Variants in SNRNP70 observed in about 807,000 individuals in gnomAD.
The protein encoded by SNRNP70 is U1 small nuclear ribonucleoprotein 70 kDa.
A neutral mutation model predicts 50.5 loss-of-function variants in SNRNP70; 8 were observed. The observed-to-expected ratio is 0.16, with a 90% CI of 0.09 to 0.29. The LOEUF (loss-of-function observed/expected upper bound fraction) is 0.29. Among genes scored for constraint, SNRNP70 ranks in the 10% least tolerant of loss-of-function variants. SNRNP70 has a pLI of 1.00. For missense variants in SNRNP70, 529 were observed against 663.5 expected (o/e 0.80, Z 2.23); for synonymous variants, 320 against 252.9 (o/e 1.27, Z -2.52).
rs142055656 is a variant in SNRNP70, at chr19:49,106,971, C to T, written c.578-654C>T. Among the ~76,000 whole-genome samples the T allele has an allele frequency of 3.0e-3, 456 of 152,276 alleles. 1 individual carries two copies. Among genetic ancestry groups the T allele is most frequent in the African/African-American group, 0.011 (438 of 41,550 alleles). On this transcript the variant is annotated intron_variant, in intron 8 of 9. Coordinates refer to ENST00000598441, the MANE Select transcript of SNRNP70 (RefSeq NM_003089.6). ...GAAACTCCAGGGGAAGGAAGCGTTT[C>T]TGCAACTGTGAGTACATAGGACTGT...
At chr19:49,102,252 C>T (rs1317212986) in intron 7 of SNRNP70, 4 of 1,134,828 alleles carry the variant, frequency 3.5e-6, no homozygotes, top group Non-Finnish European at 4.7e-6. Flanking sequence ...AGCTCAGGAG[C>T]AGCGAGGCGC....
rs752694188 is a variant in SNRNP70, at chr19:49,108,386, C to T, written c.1257C>T (p.Gly419=). 5.0e-6 allele frequency: 8 copies of T among 1,611,000 alleles called. No homozygotes were observed. The highest frequency in any genetic ancestry group is 1.7e-5 in the Admixed American group (1 of 59,724). ...GAGACATGTACATGGAGTCTGAGGG[C>T]GGCGACGGCTACCTGGCTCCGGAGA... ...DSRDMYMESE[G]GDGYLAPENG... Residue 419 remains glycine, a synonymous_variant, in exon 10 of 10, where the codon GGC becomes GGT. Transcript: ENST00000598441.
At position 49,108,335 on chromosome 19, in the gene SNRNP70, G is replaced by A; in HGVS notation, c.1206G>A (p.Gly402=). Residue 402 remains glycine (G), a synonymous_variant, in exon 10 of 10, where the codon GGG becomes GGA. Transcript: ENST00000598441. ...GTGGGGGCGGTGGCCAGGACAACGGGCTGGAGGGTCTGGGCAACGACAGCC... is the reference window on the plus strand; with the variant it reads ...GTGGGGGCGGTGGCCAGGACAACGGACTGGAGGGTCTGGGCAACGACAGCC... The part of the protein sequence containing the change: ...ARGGGGGQDN[G]LEGLGNDSRD... 1 of 1,603,866 alleles carries A rather than the reference G, an allele frequency of 6.2e-7. No individual in the cohort carries two copies. The highest frequency in any genetic ancestry group is 1.1e-5 in the South Asian group (1 of 89,496).
At chr19:49,098,386 T>C in intron 4 of SNRNP70, 41 bp from the exon 5 acceptor site, 1 of 1,529,874 alleles carries the variant, frequency 6.5e-7, no homozygotes. Flanking sequence ...CCTGAGACCA[T>C]GGACACCTTC....
chr19:49,093,332 C>T (rs1241761007), intron 4 of SNRNP70, among the ~76,000 whole-genome samples: 10 of 151,906 alleles, frequency 6.6e-5, no homozygotes, highest in East Asian at 4.0e-4. Context: ...GTGATCTGCC[C>T]GCCTCGGTCT....
chr19:49,093,641 T>G (rs1394826632), intron 4 of SNRNP70, among the ~76,000 whole-genome samples: 1 of 131,924 alleles, frequency 7.6e-6, no homozygotes, highest in Non-Finnish European at 1.6e-5. Context: ...ATCACGCCAT[T>G]GCACTCCAGC....
intron 1 of SNRNP70, 138 bp from the exon 2 acceptor site, chr19:49,086,267 C>A: frequency 1.0e-6 from 1 of 964,752 alleles, no homozygotes; most frequent in Non-Finnish European, 1.5e-6. Context: ...CAACACAGGA[C>A]TGTTCTCTGC....
At position 49,098,447 on chromosome 19, in the gene SNRNP70, A is replaced by G. The variant is rs1316168531; in HGVS notation, c.286A>G (p.Asn96Asp). 6.2e-6 allele frequency: 10 copies of G among 1,613,528 alleles called. No individual in the cohort carries two copies. The South Asian group carries it at 9.9e-5, about 16-fold the overall frequency. The change falls in exon 5 of 10, where the codon AAT becomes GAT. Residue 96 changes from asparagine (N) to aspartate (D), a missense_variant. Around this residue, in one of 4 missense-constraint regions of SNRNP70, gnomAD observed 149 missense variants for 259.7 expected, o/e 0.57. Coordinates refer to ENST00000598441, the MANE Select transcript of SNRNP70 (RefSeq NM_003089.6). ...CACAGGGGACCCTCACAATGATCCCAATGCTCAGGGGGATGCCTTCAAGAC... is the reference window on the plus strand; with the variant it reads ...CACAGGGGACCCTCACAATGATCCCGATGCTCAGGGGGATGCCTTCAAGAC... ...LKMWDPHNDPNAQGDAFKTLF... is the reference protein window; with the variant it reads ...LKMWDPHNDPDAQGDAFKTLF...
At position 49,108,143 on chromosome 19, in the gene SNRNP70, C is replaced by G. The variant is rs964923621; in HGVS notation, c.1014C>G (p.Asp338Glu). ...DDGPPGELGP[D>E]GPDGPEEKGR... is the part of the protein sequence containing the mutation. Reference sequence around the variant, plus strand: ...GGCCTCCAGGGGAGCTCGGGCCTGACGGCCCTGACGGTCCAGAGGAAAAGG... The same window carrying G: ...GGCCTCCAGGGGAGCTCGGGCCTGAGGGCCCTGACGGTCCAGAGGAAAAGG... Residue 338 changes from aspartate (D) to glutamate (E), a missense_variant, in exon 10 of 10, where the codon GAC (aspartate) becomes GAG (glutamate). Around this residue, in one of 4 missense-constraint regions of SNRNP70, gnomAD observed 327 missense variants for 308.8 expected, o/e 1.06. Transcript: ENST00000598441. 3.0e-5 allele frequency: 47 copies of G among 1,541,500 alleles called. No individual in the cohort carries two copies. Among genetic ancestry groups the G allele is most frequent in the Admixed American group, 2.7e-4 (13 of 47,966 alleles).
Position 49,108,078 on chromosome 19 carries a change from G to C in SNRNP70, c.949G>C (p.Ala317Pro). 6.4e-7 allele frequency: 1 copy of C among 1,555,296 alleles called. No individual in the cohort carries two copies. Residue 317 changes from alanine to proline, a missense_variant, in exon 10 of 10, where the codon GCG (alanine) becomes CCG (proline). Around this residue, in one of 4 missense-constraint regions of SNRNP70, gnomAD observed 327 missense variants for 308.8 expected, o/e 1.06. Coordinates refer to ENST00000598441, the MANE Select transcript of SNRNP70 (RefSeq NM_003089.6). ...GCTGCGTGGCGGCGGTGGCGACATG[G>C]CGGAGCCCTCCGAGGCGGGTGACGC... is the stretch of plus-strand genomic sequence containing the variant. ...EELRGGGGDM[A>P]EPSEAGDAPP...
chr19:49,100,974 A>G (rs892915064), intron 6 of SNRNP70, among the ~76,000 whole-genome samples: 4 of 152,200 alleles, frequency 2.6e-5, no homozygotes, highest in Admixed American at 2.0e-4. Context: ...TCGGCCTGGC[A>G]TTGGGGCGCT....
Position 49,108,162 on chromosome 19 carries a change from GA to G in SNRNP70, c.1037del (p.Lys346ArgfsTer86). The G allele has an allele frequency of 6.5e-7, 1 of 1,543,378 alleles. No individual in the cohort carries two copies. The highest frequency in any genetic ancestry group is 8.7e-7 in the Non-Finnish European group (1 of 1,144,426). ...GCCTGACGGCCCTGACGGTCCAGAG[GA>G]AAAGGGCCGGGATCGTGACCGGGAG... ...LGPDGPDGPE[E>X]KGRDRDRERR... On this transcript the variant is annotated frameshift_variant, in exon 10 of 10. Coordinates refer to ENST00000598441, the MANE Select transcript of SNRNP70 (RefSeq NM_003089.6). LOFTEE classifies it high-confidence loss of function.
At chr19:49,092,432 G>A (rs1157386802) in intron 4 of SNRNP70, among the ~76,000 whole-genome samples, 1 of 143,182 alleles carries the variant, frequency 7.0e-6, no homozygotes, top group African/African-American at 2.6e-5. Flanking sequence ...TTTTTGAGAC[G>A]GAGTCACGCT....
Position 49,108,316 on chromosome 19 carries a change from G to A in SNRNP70, c.1187G>A (p.Gly396Asp), listed in dbSNP as rs764726769. ...GGCAGGGATGAGGCCCGAGGTGGGG[G>A]CGGTGGCCAGGACAACGGGCTGGAG... The part of the protein sequence containing the change: ...ERGRDEARGG[G>D]GGQDNGLEGL... Residue 396 changes from glycine (G) to aspartate (D), a missense_variant, in exon 10 of 10, where the codon GGC (glycine) becomes GAC (aspartate). By Grantham distance (94) the Gly-to-Asp change is moderately conservative. Coordinates refer to ENST00000598441, the MANE Select transcript of SNRNP70 (RefSeq NM_003089.6). 2 of 1,592,764 alleles carry A rather than the reference G, an allele frequency of 1.3e-6. No individual in the cohort carries two copies. Among genetic ancestry groups the A allele is most frequent in the Non-Finnish European group, 1.7e-6 (2 of 1,170,540 alleles).
intron 4 of SNRNP70, 112 bp downstream of exon 4, chr19:49,090,632 G>GGTT (rs2040436467): frequency 2.0e-6 from 2 of 1,011,072 alleles, no homozygotes; most frequent in East Asian, 2.5e-5. Flanking sequence ...TGGGGAACAG[G>GGTT]GTTGTTAGTT....
Position 49,090,286 on chromosome 19 carries a change from C to G in SNRNP70, c.148-5C>G. On this transcript the variant is annotated splice_polypyrimidine_tract_variant and splice_region_variant and intron_variant, in intron 2 of 9. Coordinates refer to ENST00000598441, the MANE Select transcript of SNRNP70 (RefSeq NM_003089.6). ...CCACCCTGTCACCTCTCTTCTTGTT[C>G]CCAGGACCCTCGAGATGCCCCTCCT... 6.2e-7 allele frequency: 1 copy of G among 1,613,536 alleles called. No individual in the cohort carries two copies. The highest frequency in any genetic ancestry group is 8.5e-7 in the Non-Finnish European group (1 of 1,179,748).
At chr19:49,097,728 A>G (rs759919719) in intron 4 of SNRNP70, among the ~76,000 whole-genome samples, 2 of 152,140 alleles carry the variant, frequency 1.3e-5, no homozygotes, top group Non-Finnish European at 2.9e-5. Context: ...CACCTATGAA[A>G]TTGGTTTCTT....
In SNRNP70 at chr19:49,101,395, C is replaced by T; in HGVS notation, c.399C>T (p.His133=). 1.2e-6 allele frequency: 2 copies of T among 1,613,696 alleles called. No individual in the cohort carries two copies. The highest frequency in any genetic ancestry group is 1.7e-6 in the Non-Finnish European group (2 of 1,179,610). Residue 133 remains histidine, a synonymous_variant, in exon 7 of 10, where the codon CAC becomes CAT. Transcript: ENST00000598441. The part of the protein sequence containing the change: ...FEVYGPIKRI[H]MVYSKRSGKP... ...TGTCCCCATGTGCCCCACAGATACA[C>T]ATGGTCTACAGTAAGCGGTCAGGAA...
At chr19:49,088,142 T>A (rs2040404509) in intron 2 of SNRNP70, among the ~76,000 whole-genome samples, 1 of 150,786 alleles carries the variant, frequency 6.6e-6, no homozygotes, top group Non-Finnish European at 1.5e-5. Context: ...CCACCCCCCT[T>A]GGCCTCCCAG....
Sources: gnomAD v4.1 joint callset for allele counts (sites outside exome capture counted in the v4.1 genomes callset) on GRCh38, gnomAD v4.1.1 for gene constraint, gnomAD v4.1.1 regional missense constraint, MANE v1.5 for transcripts, NCBI Gene and HGNC (gene_info 2026-07-23, HGNC 2026-07-21) for gene names.